The following PAPSS2 variants were observed in gnomAD, a reference collection of about 807,000 sequenced individuals.
The protein encoded by PAPSS2 is 3'-phosphoadenosine 5'-phosphosulfate synthase 2.
A neutral mutation model predicts 66.5 loss-of-function variants in PAPSS2; 61 were observed. The observed-to-expected ratio is 0.92, with a 90% CI of 0.75 to 1.14. PAPSS2 has a LOEUF of 1.14. Ranked by LOEUF, PAPSS2 falls within the 50% of genes most tolerant of loss-of-function variation. The probability of loss-of-function intolerance (pLI) is 0.00; values close to 1 mark genes in which losing one functional copy is unlikely to be tolerated. For synonymous variants in PAPSS2, 289 were observed against 287.5 expected (o/e 1.01, Z -0.05); for missense variants, 708 against 789.6 (o/e 0.90, Z 1.24).
At chr10:87,660,233 C>T (rs1219458736) in intron 1 of PAPSS2, 8 of 613,932 alleles carry the variant, frequency 1.3e-5, no homozygotes, top group African/African-American at 7.4e-5. Flanking sequence ...TGGGAATCTG[C>T]GCTCCTTGGG....
rs1853513560 is a variant in PAPSS2, at chr10:87,714,894, T to C, written c.639+31T>C. On this transcript the variant is annotated intron_variant, in intron 5 of 12. Coordinates refer to ENST00000456849, the MANE Select transcript of PAPSS2 (RefSeq NM_001015880.2). Reference sequence around the variant, plus strand: ...TGAACCGGTTGTCTTTTTTTATATGTTTAATAAAATCATGAAAGACAATCT... The same window carrying C: ...TGAACCGGTTGTCTTTTTTTATATGCTTAATAAAATCATGAAAGACAATCT... 2.0e-6 allele frequency: 3 copies of C among 1,471,120 alleles called. No individual in the cohort carries two copies. In the East Asian group the frequency reaches 6.8e-5, roughly 33 times the overall value. 91.1% of individuals were successfully genotyped at this position (1,471,120 alleles called of 1,614,324 possible).
In PAPSS2 at chr10:87,732,261, G is replaced by C. The variant is rs60262932; in HGVS notation, c.1086+4772G>C. The stretch of plus-strand genomic sequence containing the variant: ...TTTTAAATTAAGATAGGCTGGGCGC[G>C]GTGGCTCACCCTGTAATCCCAACAC... On this transcript the variant is annotated intron_variant, in intron 9 of 12. Transcript: ENST00000456849. Among the ~76,000 whole-genome samples the C allele has an allele frequency of 1.5e-4, 23 of 152,244 alleles. No individual in the cohort carries two copies. In the East Asian group the frequency reaches 4.4e-3, roughly 29 times the overall value.
intron 7 of PAPSS2, among the ~76,000 whole-genome samples, chr10:87,721,082 AGCACTTATT>A (rs1432707348): frequency 1.3e-5 from 2 of 152,232 alleles, no homozygotes; most frequent in Non-Finnish European, 2.9e-5. Flanking sequence ...ATATATCACC[AGCACTTATT>A]GAGCACCAAT....
intron 1 of PAPSS2, chr10:87,660,213 C>T: frequency 1.6e-6 from 1 of 627,390 alleles, no homozygotes; most frequent in South Asian, 1.9e-5. Context: ...CCCTCTCCAC[C>T]CCGCGACTCT....
At chr10:87,686,001 C>T (rs756191993) in intron 1 of PAPSS2, among the ~76,000 whole-genome samples, 2 of 152,044 alleles carry the variant, frequency 1.3e-5, no homozygotes, top group Non-Finnish European at 2.9e-5. Context: ...GGTGTGATGA[C>T]GAGAGAGCAG....
chr10:87,709,268 G>C lies in PAPSS2; in HGVS notation c.100G>C (p.Val34Leu). The change falls in exon 2 of 13, where the codon GTT (valine) becomes CTT (leucine). Residue 34 changes from valine (V) to leucine (L), a missense_variant. Coordinates refer to ENST00000456849, the MANE Select transcript of PAPSS2 (RefSeq NM_001015880.2). ...GAGCAGGAATAAGAGAGGGCAAGTG[G>C]TTGGAACAAGGGGTGGGTTCCGAGG... ...HVSRNKRGQV[V>L]GTRGGFRGCT... is the part of the protein sequence containing the mutation. 1 of 1,613,370 alleles carries C rather than the reference G, an allele frequency of 6.2e-7. No individual in the cohort carries two copies. Among genetic ancestry groups the C allele is most frequent in the Non-Finnish European group, 8.5e-7 (1 of 1,179,468 alleles).
intron 9 of PAPSS2, among the ~76,000 whole-genome samples, chr10:87,735,414 A>G (rs1267572745): frequency 1.3e-5 from 2 of 152,174 alleles, no homozygotes; most frequent in East Asian, 3.9e-4. Context: ...AGAGCAATAT[A>G]CGGTGGACCC....
At chr10:87,727,224 T>C in intron 8 of PAPSS2, 60 bp from the exon 9 acceptor site, 1 of 1,407,796 alleles carries the variant, frequency 7.1e-7, no homozygotes, top group Non-Finnish European at 1.0e-6. Context: ...ATTTGATTCA[T>C]GCTTCAAGGA....
At chr10:87,739,320 TA>T (rs750495060) in intron 9 of PAPSS2, among the ~76,000 whole-genome samples, 1 of 152,178 alleles carries the variant, frequency 6.6e-6, no homozygotes, top group Non-Finnish European at 1.5e-5. Context: ...TTTTTAAAAA[TA>T]GGGTTTTAGC....
chr10:87,733,640 C>T (rs897201005), intron 9 of PAPSS2, among the ~76,000 whole-genome samples: 32 of 152,096 alleles, frequency 2.1e-4, no homozygotes, highest in African/African-American at 6.8e-4. Context: ...TGGATCCCAT[C>T]CTCACAGATT....
intron 1 of PAPSS2, among the ~76,000 whole-genome samples, chr10:87,684,799 T>C (rs1012443953): frequency 3.9e-5 from 6 of 152,186 alleles, no homozygotes; most frequent in African/African-American, 1.2e-4. Flanking sequence ...GGCTTTAGAA[T>C]TGATTACCTC....
intron 1 of PAPSS2, among the ~76,000 whole-genome samples, chr10:87,681,423 C>T (rs980308892): frequency 3.9e-5 from 6 of 152,062 alleles, no homozygotes; most frequent in African/African-American, 1.4e-4. Flanking sequence ...TGGTCATAGA[C>T]AAAAATTGTA....
chr10:87,673,689 C>CTTTTTTTTTTTTTT (rs34935261), intron 1 of PAPSS2, among the ~76,000 whole-genome samples: 1 of 67,424 alleles, frequency 1.5e-5, no homozygotes, highest in Non-Finnish European at 2.9e-5. Flanking sequence ...TTTTGGCTTA[C>CTTTTTTTTTTTTTT]TTTTTTTTTT....
Position 87,746,036 on chromosome 10 carries a change from T to A in PAPSS2, c.*66T>A. The A allele has an allele frequency of 6.8e-7, 1 of 1,475,310 alleles. No individual in the cohort carries two copies. The highest frequency in any genetic ancestry group is 9.5e-7 in the Non-Finnish European group (1 of 1,056,138). 91.4% of individuals were successfully genotyped at this position (1,475,310 alleles called of 1,614,324 possible). ...TACCTTTTCTATTTTTATGATTAGA[T>A]GCTTTGTATTAAATTGCTTCTCAAT... On this transcript the variant is annotated 3_prime_UTR_variant, in exon 13 of 13. Transcript: ENST00000456849.
intron 11 of PAPSS2, among the ~76,000 whole-genome samples, chr10:87,744,141 C>T (rs141847403): frequency 6.6e-6 from 1 of 152,226 alleles, no homozygotes; most frequent in East Asian, 1.9e-4. Context: ...CAAATCAAAC[C>T]TATTATACAT....
At chr10:87,673,337 T>G (rs1852902971) in intron 1 of PAPSS2, among the ~76,000 whole-genome samples, 1 of 152,152 alleles carries the variant, frequency 6.6e-6, no homozygotes, top group Non-Finnish European at 1.5e-5. Context: ...TTTGTTTTTG[T>G]TTTTGTAGAG....
At chr10:87,680,303 G>A (rs1853003486) in intron 1 of PAPSS2, among the ~76,000 whole-genome samples, 1 of 152,172 alleles carries the variant, frequency 6.6e-6, no homozygotes, top group African/African-American at 2.4e-5. Context: ...CTCTAAGTTG[G>A]TTTCACACTG....
Position 87,707,700 on chromosome 10 carries a change from GC to G in PAPSS2, c.28-1495del, listed in dbSNP as rs1853410627. ...TCCTCCCACCTCAGCCTCTCCAGTA[GC>G]TGGGACTACAGGCATATGCCACCAT... On this transcript the variant is annotated intron_variant, in intron 1 of 12. Transcript: ENST00000456849. Among the ~76,000 whole-genome samples, 3 of 151,126 alleles carry G rather than the reference GC, an allele frequency of 2.0e-5. No homozygotes were observed. In the South Asian group the frequency reaches 6.3e-4, roughly 32 times the overall value.
At chr10:87,703,131 G>C (rs769947720) in intron 1 of PAPSS2, among the ~76,000 whole-genome samples, 1 of 152,196 alleles carries the variant, frequency 6.6e-6, no homozygotes, top group Non-Finnish European at 1.5e-5. Context: ...CCTCCATCTA[G>C]GTAACGAAGT....
Sources: allele counts gnomAD v4.1 joint callset (sites outside exome capture counted in the v4.1 genomes callset), GRCh38; gene constraint gnomAD v4.1.1; transcripts MANE v1.5; gene names NCBI Gene and HGNC (gene_info 2026-07-23, HGNC 2026-07-21).